Variants in LRRC4C observed in about 807,000 individuals in gnomAD.
LRRC4C encodes leucine rich repeat containing 4C.
LRRC4C carries 5 observed loss-of-function variants against 33.6 expected under a neutral mutation model. The ratio of observed to expected loss-of-function variants is 0.15; its 90% CI spans 0.08 to 0.31. LRRC4C has a LOEUF of 0.31. Among genes scored for constraint, LRRC4C ranks in the 10% least tolerant of loss-of-function variants. The pLI is 1.00. For missense variants in LRRC4C, 560 were observed against 796.7 expected (o/e 0.70, Z 3.58); for synonymous variants, 329 against 302.0 (o/e 1.09, Z -0.93).
intron 2 of LRRC4C, among the ~76,000 whole-genome samples, chr11:40,864,134 T>G (rs922505501): frequency 2.6e-5 from 4 of 152,158 alleles, no homozygotes; most frequent in Non-Finnish European, 4.4e-5. Context: ...AGTGGCATGA[T>G]CTCAGCTCAC....
chr11:40,856,497 G>T (rs182008346), intron 2 of LRRC4C, among the ~76,000 whole-genome samples: 2 of 152,066 alleles, frequency 1.3e-5, no homozygotes, highest in East Asian at 1.9e-4. Context: ...TCTGGAATTC[G>T]CATAGATTCC....
chr11:40,857,167 C>A (rs2135798356), intron 2 of LRRC4C, among the ~76,000 whole-genome samples: 1 of 152,246 alleles, frequency 6.6e-6, no homozygotes, highest in Middle Eastern at 3.4e-3. Context: ...AATAATTTTA[C>A]ACTTGTTATT....
At chr11:40,867,278 G>A (rs907219669) in intron 2 of LRRC4C, among the ~76,000 whole-genome samples, 1 of 152,122 alleles carries the variant, frequency 6.6e-6, no homozygotes, top group Non-Finnish European at 1.5e-5. Context: ...AGGAAGCATG[G>A]ACGTGGGCTT....
chr11:40,816,192 G>A (rs1045420338), intron 2 of LRRC4C, among the ~76,000 whole-genome samples: 4 of 152,152 alleles, frequency 2.6e-5, no homozygotes, highest in Admixed American at 1.3e-4. Context: ...TTTTTGGGAT[G>A]CAAATGGAAG....
intron 6 of LRRC4C, among the ~76,000 whole-genome samples, chr11:40,121,153 A>G (rs1489596443): frequency 1.3e-5 from 2 of 152,192 alleles, no homozygotes; most frequent in Non-Finnish European, 2.9e-5. Context: ...ATAATCGGGA[A>G]CATACTATCA....
intron 3 of LRRC4C, among the ~76,000 whole-genome samples, chr11:40,579,564 C>T (rs1453170846): frequency 6.6e-6 from 1 of 152,086 alleles, no homozygotes; most frequent in Non-Finnish European, 1.5e-5. Flanking sequence ...ATTCCTAGAG[C>T]TTTGCAATCA....
chr11:41,042,357 CCT>C (rs1384721785), intron 1 of LRRC4C, among the ~76,000 whole-genome samples: 7 of 152,086 alleles, frequency 4.6e-5, no homozygotes, highest in Non-Finnish European at 8.8e-5. Context: ...CAAAAGCTGA[CCT>C]CTGAGTCCCT....
intron 3 of LRRC4C, among the ~76,000 whole-genome samples, chr11:40,624,523 A>G (rs1295868833): frequency 6.6e-6 from 1 of 152,100 alleles, no homozygotes; most frequent in African/African-American, 2.4e-5. Flanking sequence ...TGTGCCCCAA[A>G]TGGTTTCTCA....
intron 2 of LRRC4C, among the ~76,000 whole-genome samples, chr11:40,668,016 A>G (rs1336737553): frequency 6.6e-6 from 1 of 152,228 alleles, no homozygotes; most frequent in Non-Finnish European, 1.5e-5. Context: ...TGTGCTTTAC[A>G]ATAACTCAAG....
intron 3 of LRRC4C, among the ~76,000 whole-genome samples, chr11:40,451,047 A>T (rs4581430): frequency 6.6e-6 from 1 of 151,256 alleles, no homozygotes; most frequent in East Asian, 1.9e-4. Flanking sequence ...AACTCTCTCT[A>T]TATATATGCA....
At chr11:40,813,338 AG>A (rs1951572154) in intron 2 of LRRC4C, among the ~76,000 whole-genome samples, 1 of 152,170 alleles carries the variant, frequency 6.6e-6, no homozygotes, top group Non-Finnish European at 1.5e-5. Context: ...GGAGGAGCAA[AG>A]ACATGTCTTA....
chr11:40,571,053 T>C (rs551477468), intron 3 of LRRC4C, among the ~76,000 whole-genome samples: 2 of 152,162 alleles, frequency 1.3e-5, no homozygotes, highest in Non-Finnish European at 2.9e-5. Flanking sequence ...ATGTAAATAG[T>C]GTCTCTAATG....
At chr11:40,480,337 A>G (rs1215178265) in intron 3 of LRRC4C, among the ~76,000 whole-genome samples, 3 of 151,432 alleles carry the variant, frequency 2.0e-5, no homozygotes, top group African/African-American at 7.3e-5. Context: ...TCTCCCATCT[A>G]TGAATTAAAA....
intron 1 of LRRC4C, among the ~76,000 whole-genome samples, chr11:41,399,816 A>G (rs969552638): frequency 6.6e-6 from 1 of 151,970 alleles, no homozygotes; most frequent in Non-Finnish European, 1.5e-5. Flanking sequence ...AAGATTTGTT[A>G]TTTGATGCAA....
intron 3 of LRRC4C, among the ~76,000 whole-genome samples, chr11:40,407,849 A>C (rs1161615091): frequency 1.3e-5 from 2 of 152,106 alleles, no homozygotes; most frequent in African/African-American, 4.8e-5. Context: ...TTCTATACTT[A>C]TAACTCAGCT....
At chr11:41,114,563 TC>T (rs1565396484) in intron 1 of LRRC4C, among the ~76,000 whole-genome samples, 1 of 152,020 alleles carries the variant, frequency 6.6e-6, no homozygotes, top group Non-Finnish European at 1.5e-5. Context: ...AATAGCACTT[TC>T]CCCCAAAAAA....
intron 1 of LRRC4C, among the ~76,000 whole-genome samples, chr11:41,259,811 C>T (rs1299139864): frequency 1.3e-5 from 2 of 151,880 alleles, no homozygotes; most frequent in African/African-American, 4.8e-5. Flanking sequence ...AAGATAATTT[C>T]TTTGGTGGTT....
intron 1 of LRRC4C, among the ~76,000 whole-genome samples, chr11:41,080,495 G>T (rs1939493140): frequency 6.6e-6 from 1 of 151,986 alleles, no homozygotes; most frequent in Non-Finnish European, 1.5e-5. Flanking sequence ...GGGATTACAG[G>T]CATGTGCCAC....
At chr11:41,119,452 T>A (rs765256761) in intron 1 of LRRC4C, among the ~76,000 whole-genome samples, 3 of 152,218 alleles carry the variant, frequency 2.0e-5, no homozygotes, top group Non-Finnish European at 4.4e-5. Context: ...TTTAAGTTAA[T>A]GCAAAGGTAA....
Sources: allele counts gnomAD v4.1 joint callset (sites outside exome capture counted in the v4.1 genomes callset), GRCh38; gene constraint gnomAD v4.1.1; transcripts MANE v1.5; gene names NCBI Gene and HGNC (gene_info 2026-07-23, HGNC 2026-07-21).